NR4A1: variants seen among roughly 807,000 people sequenced by gnomAD.
NR4A1 encodes nuclear receptor subfamily 4immunitygroup A member 1.
Under a neutral mutation model 47.5 loss-of-function variants are expected in NR4A1, and 24 were observed. The ratio of observed to expected loss-of-function variants is 0.50; its 90% CI spans 0.37 to 0.71. The LOEUF (loss-of-function observed/expected upper bound fraction) is 0.71. Ranked by LOEUF, NR4A1 falls within the 30% of genes least tolerant of loss-of-function variation. The probability of loss-of-function intolerance (pLI) is 0.00; values close to 1 mark genes in which losing one functional copy is unlikely to be tolerated. For missense variants in NR4A1, 669 were observed against 788.6 expected (o/e 0.85, Z 1.82); for synonymous variants, 353 against 345.7 (o/e 1.02, Z -0.24).
intron 2 of NR4A1, chr12:52,045,410 C>T: frequency 1.4e-5 from 5 of 369,286 alleles, no homozygotes; most frequent in South Asian, 9.7e-5. Context: ...AACCCATCCC[C>T]CTGTAGCACT....
chr12:52,052,133 A>G (rs2061778910), intron 1 of NR4A1, among the ~76,000 whole-genome samples: 1 of 152,108 alleles, frequency 6.6e-6, no homozygotes, highest in African/African-American at 2.4e-5. Context: ...CCTCCGGATC[A>G]TTGAAGGAAG....
At position 52,058,925 on chromosome 12, in the gene NR4A1, T is replaced by C. The variant is rs1257207896; in HGVS notation, c.1778T>C (p.Met593Thr). 5.6e-6 allele frequency: 9 copies of C among 1,612,648 alleles called. No individual in the cohort carries two copies. Among genetic ancestry groups the C allele is most frequent in the Non-Finnish European group, 7.6e-6 (9 of 1,178,936 alleles). Residue 593 changes from methionine (M) to threonine (T), a missense_variant, in exon 7 of 7, where the codon ATG becomes ACG. Physicochemically the swap from Met to Thr is moderately conservative, Grantham distance 81. Transcript: ENST00000394825. ...PPPPIIDKIF[M>T]DTLPF Reference sequence around the variant, plus strand: ...CCACCCATCATTGACAAGATCTTCATGGACACGCTGCCCTTCTGACCCCTG... The same window carrying C: ...CCACCCATCATTGACAAGATCTTCACGGACACGCTGCCCTTCTGACCCCTG...
chr12:52,044,241 T>C (rs1444372750), intron 2 of NR4A1, among the ~76,000 whole-genome samples: 1 of 152,226 alleles, frequency 6.6e-6, no homozygotes, highest in Non-Finnish European at 1.5e-5. Context: ...TTGGTGTCCA[T>C]TGGGGTATCT....
chr12:52,035,214 G>A (rs550058421), intron 1 of NR4A1, among the ~76,000 whole-genome samples: 8 of 152,130 alleles, frequency 5.3e-5, no homozygotes, highest in East Asian at 3.8e-4. Flanking sequence ...ACCATCTCAC[G>A]CCGCCTCCAC....
intron 3 of NR4A1, 88 bp from the exon 4 acceptor site, chr12:52,056,406 G>T: frequency 6.5e-7 from 1 of 1,531,754 alleles, no homozygotes; most frequent in South Asian, 1.2e-5. Flanking sequence ...ACTCGGTGGG[G>T]CGCGTCTCAG....
At chr12:52,056,351 G>C in intron 3 of NR4A1, 143 bp from the exon 4 acceptor site, 2 of 1,379,702 alleles carry the variant, frequency 1.4e-6, no homozygotes, top group South Asian at 2.7e-5. Flanking sequence ...GCAGGGGGAG[G>C]TTCCTATAGG....
chr12:52,048,160 A>C (rs554299024), upstream of NR4A1, among the ~76,000 whole-genome samples: 1 of 151,280 alleles, frequency 6.6e-6, no homozygotes, highest in African/African-American at 2.4e-5. Context: ...AACAAAACAA[A>C]ACAAAAACAA....
chr12:52,026,613 T>C (rs959712717), intron 1 of NR4A1, among the ~76,000 whole-genome samples: 1 of 152,196 alleles, frequency 6.6e-6, no homozygotes, highest in Non-Finnish European at 1.5e-5. Flanking sequence ...GCCACATAGA[T>C]AGACAGGGCT....
intron 1 of NR4A1, 33 bp from the exon 2 acceptor site, chr12:52,054,294 C>T: frequency 6.4e-7 from 1 of 1,559,544 alleles, no homozygotes; most frequent in Non-Finnish European, 8.7e-7. Flanking sequence ...CACTGACTCT[C>T]CTTTCCCTCC....
chr12:52,058,148 A>G (rs928407782), intron 6 of NR4A1, among the ~76,000 whole-genome samples: 2 of 152,366 alleles, frequency 1.3e-5, no homozygotes, highest in East Asian at 1.9e-4. Context: ...CTGACAGTGC[A>G]GATCAGATTG....
intron 1 of NR4A1, chr12:52,038,042 T>C: frequency 1.0e-6 from 1 of 987,544 alleles, no homozygotes; most frequent in Middle Eastern, 5.2e-4. Context: ...TTCCTTGACT[T>C]GGCTCATTCC....
chr12:52,056,223 GC>G (rs1939265989), intron 3 of NR4A1, 64 bp downstream of exon 3: 1 of 1,520,144 alleles, frequency 6.6e-7, no homozygotes, highest in Non-Finnish European at 8.8e-7. Context: ...GACCAGCAGG[GC>G]CCCCAGGCTT....
chr12:52,058,613 TAGGGGCCTGG>T, intron 6 of NR4A1, 65 bp from the exon 7 acceptor site: 1 of 1,444,616 alleles, frequency 6.9e-7, no homozygotes, highest in East Asian at 2.5e-5. Flanking sequence ...GCAGCAGTTT[TAGGGGCCTGG>T]GGGAGGCTGG....
chr12:52,024,404 CTT>C (rs371355033), intron 1 of NR4A1, among the ~76,000 whole-genome samples: 1 of 152,164 alleles, frequency 6.6e-6, no homozygotes, highest in African/African-American at 2.4e-5. Flanking sequence ...AAGTGCTTAA[CTT>C]ATGTTTTAAA....
chr12:52,042,733 G>A (rs1278761970), intron 2 of NR4A1, among the ~76,000 whole-genome samples: 1 of 152,198 alleles, frequency 6.6e-6, no homozygotes, highest in Non-Finnish European at 1.5e-5. Flanking sequence ...AGAGGTGGAG[G>A]ACGGGAATGG....
At chr12:52,042,055 C>A in intron 2 of NR4A1, 2 of 1,089,246 alleles carry the variant, frequency 1.8e-6, no homozygotes, top group Non-Finnish European at 2.4e-6. Flanking sequence ...GGGGAGGTGG[C>A]AGCCGAGGTG....
At chr12:52,046,445 G>A (rs1315467068), upstream of NR4A1, among the ~76,000 whole-genome samples, 2 of 152,150 alleles carry the variant, frequency 1.3e-5, no homozygotes, top group Non-Finnish European at 2.9e-5. Context: ...GAGGGGTAAG[G>A]GCCTGGTGAA....
At chr12:52,043,625 C>T (rs1592289539) in intron 2 of NR4A1, 1 of 1,122,412 alleles carries the variant, frequency 8.9e-7, no homozygotes, top group Non-Finnish European at 1.1e-6. Flanking sequence ...AAGTCAGGTC[C>T]AGTCAAGAGG....
chr12:52,032,328 A>G (rs1481050436), intron 1 of NR4A1, among the ~76,000 whole-genome samples: 2 of 152,236 alleles, frequency 1.3e-5, no homozygotes, highest in African/African-American at 4.8e-5. Context: ...GTGGGACACC[A>G]TATTTTCCCT....
Sources: gnomAD v4.1 joint callset for allele counts (sites outside exome capture counted in the v4.1 genomes callset) on GRCh38, gnomAD v4.1.1 for gene constraint, MANE v1.5 for transcripts, NCBI Gene and HGNC (gene_info 2026-07-23, HGNC 2026-07-21) for gene names.